Variants in KIAA1217 observed in about 807,000 individuals in gnomAD.
The protein encoded by KIAA1217 is KIAA1217, also known as sickle tail protein homolog.
A neutral mutation model predicts 163.9 loss-of-function variants in KIAA1217; 88 were observed. That is an observed-to-expected ratio of 0.54 (90% CI 0.45 to 0.64). KIAA1217 has a LOEUF of 0.64. KIAA1217 is among the 30% of genes least tolerant of loss of function. KIAA1217 has a pLI of 0.00. For missense variants in KIAA1217, 2,372 were observed against 2,475.0 expected, an observed-to-expected ratio of 0.96 and a Z score of 0.88; for synonymous variants, 903 against 923.1, an observed-to-expected ratio of 0.98 and a Z score of 0.39.
intron 1 of KIAA1217, among the ~76,000 whole-genome samples, chr10:23,866,300 T>C (rs1317348221): frequency 6.6e-6 from 1 of 152,164 alleles, no homozygotes; most frequent in Non-Finnish European, 1.5e-5. Flanking sequence ...TTCAGGTTGA[T>C]CAAGCCTCAG....
intron 1 of KIAA1217, among the ~76,000 whole-genome samples, chr10:23,741,260 G>A (rs1004998200): frequency 1.3e-5 from 2 of 151,794 alleles, no homozygotes; most frequent in Non-Finnish European, 2.9e-5. Context: ...TGAGGTGAGG[G>A]GTCAGAGAGA....
chr10:24,531,935 C>A lies in KIAA1217; in HGVS notation c.3188C>A (p.Thr1063Asn), dbSNP rs774932347. ...RRSYLPGSGL[T>N]TTRSGDVVYT... ...AGCTACCTGCCAGGATCGGGACTCA[C>A]CACCACGAGGTCAGGCGATGTGGTC... The change falls in exon 15 of 21, where the codon ACC becomes AAC. Residue 1063 changes from threonine to asparagine, a missense_variant. Thr to Asn is a moderately conservative substitution (Grantham distance 65). Around this residue, in one of 3 missense-constraint regions of KIAA1217, gnomAD observed 1,431 missense variants for 1,470.3 expected, o/e 0.97. Coordinates refer to ENST00000376454, the MANE Select transcript of KIAA1217 (RefSeq NM_019590.5). 1 of 1,609,826 alleles carries A rather than the reference C, an allele frequency of 6.2e-7. No individual in the cohort carries two copies. Among genetic ancestry groups the A allele is most frequent in the Non-Finnish European group, 8.5e-7 (1 of 1,177,510 alleles).
chr10:24,088,391 A>G (rs2061793044), intron 2 of KIAA1217, among the ~76,000 whole-genome samples: 2 of 116,190 alleles, frequency 1.7e-5, no homozygotes, highest in African/African-American at 5.2e-5. Context: ...GGTGTGCTGC[A>G]CCCATTAACT....
chr10:24,347,102 T>G (rs1002215937), intron 2 of KIAA1217, among the ~76,000 whole-genome samples: 2 of 152,180 alleles, frequency 1.3e-5, no homozygotes, highest in Non-Finnish European at 2.9e-5. Context: ...ACCTCATAGC[T>G]TCCTTACTTC....
At chr10:24,156,494 A>T (rs760660708) in intron 2 of KIAA1217, among the ~76,000 whole-genome samples, 22 of 152,160 alleles carry the variant, frequency 1.4e-4, no homozygotes, top group Non-Finnish European at 2.9e-4. Flanking sequence ...ATATTTTGAC[A>T]TTTGAAACCT....
intron 1 of KIAA1217, among the ~76,000 whole-genome samples, chr10:23,729,129 T>G (rs558345501): frequency 1.8e-4 from 28 of 152,330 alleles, no homozygotes; most frequent in South Asian, 1.2e-3. Flanking sequence ...GCTTCATAGC[T>G]CATTTCTTTT....
intron 3 of KIAA1217, 75 bp downstream of exon 3, chr10:24,381,142 T>G: frequency 1.9e-6 from 2 of 1,073,974 alleles, no homozygotes; most frequent in Non-Finnish European, 2.6e-6. Context: ...GAACCTATAC[T>G]CTTTCATTCA....
At chr10:23,857,564 A>G (rs1266108904) in intron 1 of KIAA1217, among the ~76,000 whole-genome samples, 1 of 152,214 alleles carries the variant, frequency 6.6e-6, no homozygotes, top group Non-Finnish European at 1.5e-5. Context: ...CATCTGGAGA[A>G]TGACAGGTCC....
intron 2 of KIAA1217, among the ~76,000 whole-genome samples, chr10:24,358,400 A>T: frequency 6.6e-6 from 1 of 152,180 alleles, no homozygotes; most frequent in Non-Finnish European, 1.5e-5. Context: ...GGGCAGGGAT[A>T]CTTCAATTTC....
rs1215578481 is a variant in KIAA1217, at chr10:24,543,419, T to G, written c.4149T>G (p.Ile1383Met). 6.2e-7 allele frequency: 1 copy of G among 1,614,010 alleles called. No individual in the cohort carries two copies. The highest frequency in any genetic ancestry group is 8.5e-7 in the Non-Finnish European group (1 of 1,180,044). ...PTEENAATDN[I>M]AFMITETTVQ... ...AAGAAAATGCAGCCACTGACAATAT[T>G]GCCTTCATGATTACCGAAACCACTG... The change falls in exon 19 of 21, where the codon ATT becomes ATG. Residue 1383 changes from isoleucine (I) to methionine (M), a missense_variant. By Grantham distance (10) the Ile-to-Met change is conservative (BLOSUM62 1). Transcript: ENST00000376454.
chr10:24,058,162 C>T (rs1230506560), intron 2 of KIAA1217, among the ~76,000 whole-genome samples: 1 of 152,150 alleles, frequency 6.6e-6, no homozygotes, highest in Non-Finnish European at 1.5e-5. Context: ...GTCCCTTCCC[C>T]ATTGTGTACC....
At chr10:23,808,848 T>C (rs1406445124) in intron 1 of KIAA1217, among the ~76,000 whole-genome samples, 1 of 151,982 alleles carries the variant, frequency 6.6e-6, no homozygotes, top group African/African-American at 2.4e-5. Flanking sequence ...AATAAAAATA[T>C]AAACTCACCC....
intron 5 of KIAA1217, among the ~76,000 whole-genome samples, chr10:24,470,684 G>T (rs2063416222): frequency 6.6e-6 from 1 of 152,154 alleles, no homozygotes; most frequent in Non-Finnish European, 1.5e-5. Flanking sequence ...ATACTCCAGG[G>T]GGCCCAGAAA....
chr10:24,410,089 C>T (rs1012836871), intron 3 of KIAA1217, among the ~76,000 whole-genome samples: 12 of 150,864 alleles, frequency 8.0e-5, no homozygotes, highest in Admixed American at 6.6e-4. Flanking sequence ...CTCCGCCTCC[C>T]GGGTTCAAGC....
rs537000465 is a variant in KIAA1217, at chr10:23,916,486, T to G, written c.-320-90739T>G. ...TTATATCTTCTTCAACTAGAGGTAG[T>G]GTGGATCTCACTGAATTGCAGTCGC... is the stretch of plus-strand genomic sequence containing the variant. On this transcript the variant is annotated intron_variant, in intron 1 of 18. Transcript: ENST00000376462. Among the ~76,000 whole-genome samples, 7 of 152,340 alleles carry G rather than the reference T, an allele frequency of 4.6e-5. No individual in the cohort carries two copies. In the East Asian group the frequency reaches 1.3e-3, roughly 29 times the overall value.
chr10:23,828,706 C>G (rs1354906744), intron 1 of KIAA1217, among the ~76,000 whole-genome samples: 1 of 152,188 alleles, frequency 6.6e-6, no homozygotes, highest in Non-Finnish European at 1.5e-5. Context: ...CACCAACCCT[C>G]TAAGATATGC....
intron 2 of KIAA1217, among the ~76,000 whole-genome samples, chr10:24,270,479 CT>C (rs1342875616): frequency 2.6e-5 from 4 of 152,218 alleles, no homozygotes; most frequent in African/African-American, 7.2e-5. Flanking sequence ...TTATTTTCAT[CT>C]TTTTGAAAAT....
In KIAA1217 at chr10:24,186,408, T is replaced by A. The variant is rs139089221; in HGVS notation, c.-170-33218T>A. Among the ~76,000 whole-genome samples the A allele has an allele frequency of 1.1e-3, 174 of 152,352 alleles. 1 individual carries two copies. Among genetic ancestry groups the A allele is most frequent in the African/African-American group, 4.1e-3 (170 of 41,568 alleles). ...CTTCCAGAGTTGACTTTTTTGTCAC[T>A]TACTATTTGATCTGTACTCATTTTT... On this transcript the variant is annotated intron_variant, in intron 2 of 18. Coordinates refer to the KIAA1217 transcript ENST00000376462.
At chr10:24,239,056 G>A (rs2072686908) in intron 2 of KIAA1217, 1 of 623,112 alleles carries the variant, frequency 1.6e-6, no homozygotes, top group Non-Finnish European at 2.0e-6. Flanking sequence ...GGTGGGGTTA[G>A]GGTTTCCATG....
Sources: gnomAD v4.1 joint callset for allele counts (sites outside exome capture counted in the v4.1 genomes callset) on GRCh38, gnomAD v4.1.1 for gene constraint, gnomAD v4.1.1 regional missense constraint, MANE v1.5 for transcripts, NCBI Gene and HGNC (gene_info 2026-07-23, HGNC 2026-07-21) for gene names.